The following HTRA1 variants were observed in gnomAD, a reference collection of about 807,000 sequenced individuals.
The protein encoded by HTRA1 is serine protease HTRA1.
HTRA1 carries 26 observed loss-of-function variants against 49.7 expected under a neutral mutation model. The observed-to-expected ratio is 0.52, with a 90% CI of 0.38 to 0.73. The LOEUF is 0.73. HTRA1 is among the 30% of genes least tolerant of loss of function. The pLI, the probability that HTRA1 is intolerant of heterozygous loss-of-function variation, is 0.00. For missense variants in HTRA1, 561 were observed against 667.2 expected (o/e 0.84, Z 1.75); for synonymous variants, 291 against 286.9 (o/e 1.01, Z -0.14).
At chr10:122,479,609 G>A (rs1422388978) in intron 1 of HTRA1, among the ~76,000 whole-genome samples, 3 of 152,078 alleles carry the variant, frequency 2.0e-5, no homozygotes, top group South Asian at 2.1e-4. Context: ...AGCTGGAGGC[G>A]AGGAGAATGA....
At chr10:122,508,181 C>T (rs1461931666) in intron 5 of HTRA1, among the ~76,000 whole-genome samples, 1 of 152,314 alleles carries the variant, frequency 6.6e-6, no homozygotes, top group African/African-American at 2.4e-5. Flanking sequence ...CCTCTGCCTC[C>T]CCGCGCAGCA....
chr10:122,510,234 G>C (rs1171245410), intron 7 of HTRA1, 81 bp downstream of exon 7: 6 of 1,141,416 alleles, frequency 5.3e-6, no homozygotes, highest in Non-Finnish European at 8.0e-6. Flanking sequence ...ACCCCTGAAA[G>C]AGAAACCTTA....
chr10:122,514,776 C>T lies in HTRA1; in HGVS notation c.*417C>T. The T allele has an allele frequency of 3.8e-6, 1 of 262,804 alleles. No individual in the cohort carries two copies. Among genetic ancestry groups the T allele is most frequent in the Non-Finnish European group, 7.5e-6 (1 of 134,198 alleles). 16.3% of individuals were successfully genotyped at this position (262,804 alleles called of 1,614,324 possible). A position where few individuals can be genotyped will look rare whatever the true frequency, so the allele number is the denominator to read the frequency against. On this transcript the variant is annotated 3_prime_UTR_variant, in exon 9 of 9. Transcript: ENST00000368984. ...TTTCTCCAAGTCAGCACCCAAAGGTCAATGCACAGAGACCCCGGGTGGGTG... is the reference window on the plus strand; with the variant it reads ...TTTCTCCAAGTCAGCACCCAAAGGTTAATGCACAGAGACCCCGGGTGGGTG...
In HTRA1 at chr10:122,466,112, A is replaced by G. The variant is rs1432527316; in HGVS notation, c.472+3988A>G. ...GAGGCTGTATGTACATACCTGGTGA[A>G]GAACCAAGGGCTTAGATGGTTGCTT... On this transcript the variant is annotated intron_variant, in intron 1 of 8. Coordinates refer to ENST00000368984, the MANE Select transcript of HTRA1 (RefSeq NM_002775.5). Among the ~76,000 whole-genome samples, 3 of 152,188 alleles carry G rather than the reference A, an allele frequency of 2.0e-5. No individual in the cohort carries two copies. The East Asian group carries it at 5.8e-4, about 29-fold the overall frequency.
chr10:122,462,158 C>T (rs1329992410), intron 1 of HTRA1, 34 bp downstream of exon 1: 10 of 1,484,066 alleles, frequency 6.7e-6, no homozygotes, highest in African/African-American at 1.4e-5. Context: ...GCTCCCCACT[C>T]TCTCCATCCC....
At chr10:122,486,491 C>G (rs541403305) in intron 1 of HTRA1, among the ~76,000 whole-genome samples, 1 of 152,098 alleles carries the variant, frequency 6.6e-6, no homozygotes, top group Non-Finnish European at 1.5e-5. Context: ...AGAAAACGGC[C>G]CTTTGTTCAC....
intron 3 of HTRA1, among the ~76,000 whole-genome samples, chr10:122,503,544 C>T (rs1417128804): frequency 1.3e-5 from 2 of 152,202 alleles, no homozygotes; most frequent in Non-Finnish European, 2.9e-5. Flanking sequence ...GCAAAGATTT[C>T]TGCCTGTGAT....
chr10:122,512,407 C>T (rs1374325302), intron 8 of HTRA1, among the ~76,000 whole-genome samples: 1 of 152,170 alleles, frequency 6.6e-6, no homozygotes, highest in Non-Finnish European at 1.5e-5. Context: ...ACTTGGTGGT[C>T]CTTTTCTAGG....
chr10:122,511,570 A>G (rs892602539), intron 7 of HTRA1, among the ~76,000 whole-genome samples: 2 of 151,898 alleles, frequency 1.3e-5, no homozygotes, highest in Admixed American at 6.6e-5. Flanking sequence ...TGTTTCTACT[A>G]AAAATATAAA....
chr10:122,489,397 A>C, intron 2 of HTRA1, 25 bp from the exon 3 acceptor site: 1 of 1,605,552 alleles, frequency 6.2e-7, no homozygotes, highest in Admixed American at 1.7e-5. Context: ...CTACAGGCTT[A>C]AGTGTGTACT....
At chr10:122,496,225 G>GTTTTGTTTTTTTTTT (rs1287521208) in intron 3 of HTRA1, among the ~76,000 whole-genome samples, 8 of 80,408 alleles carry the variant, frequency 9.9e-5, no homozygotes, top group African/African-American at 4.1e-4. Flanking sequence ...GAGATTGTGG[G>GTTTTGTTTTTTTTTT]TTCTTTTTTT....
At chr10:122,463,193 GTTTAC>G (rs763704783) in intron 1 of HTRA1, among the ~76,000 whole-genome samples, 7 of 152,254 alleles carry the variant, frequency 4.6e-5, no homozygotes, top group East Asian at 3.8e-4. Context: ...CTGGTCTAGA[GTTTAC>G]TTTATAGGAA....
intron 1 of HTRA1, among the ~76,000 whole-genome samples, chr10:122,480,371 G>A (rs1020976490): frequency 1.5e-4 from 23 of 152,220 alleles, no homozygotes; most frequent in Admixed American, 4.6e-4. Flanking sequence ...GCAGGGAGAA[G>A]GGACAAGGGA....
intron 1 of HTRA1, among the ~76,000 whole-genome samples, chr10:122,482,383 T>C (rs930752627): frequency 3.3e-5 from 5 of 152,154 alleles, no homozygotes; most frequent in African/African-American, 2.4e-5. Context: ...ATTTCAAAAC[T>C]ATGATCAATC....
intron 6 of HTRA1, 46 bp from the exon 7 acceptor site, chr10:122,510,050 C>T (rs1230223037): frequency 6.4e-7 from 1 of 1,562,480 alleles, no homozygotes; most frequent in Non-Finnish European, 8.8e-7. Context: ...CCCAGCACCC[C>T]CACCAACTGG....
At chr10:122,501,136 G>A (rs2097500690) in intron 3 of HTRA1, among the ~76,000 whole-genome samples, 2 of 152,162 alleles carry the variant, frequency 1.3e-5, no homozygotes, top group South Asian at 2.1e-4. Flanking sequence ...TCAGCAGAAC[G>A]GCTATGAAGC....
intron 1 of HTRA1, among the ~76,000 whole-genome samples, chr10:122,480,215 CGAAA>C (rs1348103749): frequency 1.3e-5 from 2 of 152,124 alleles, no homozygotes; most frequent in African/African-American, 4.8e-5. Context: ...AACTTAGAGC[CGAAA>C]GGTGTGACCT....
chr10:122,499,444 C>G (rs975924862), intron 3 of HTRA1, among the ~76,000 whole-genome samples: 4 of 152,300 alleles, frequency 2.6e-5, no homozygotes, highest in South Asian at 2.1e-4. Context: ...GAACAAGGAG[C>G]CTGCATTTTT....
intron 1 of HTRA1, among the ~76,000 whole-genome samples, chr10:122,485,369 CT>C (rs2097492641): frequency 6.6e-6 from 1 of 152,228 alleles, no homozygotes; most frequent in Admixed American, 6.5e-5. Context: ...ACTGCTCCTT[CT>C]TTCTGTTTCC....
Sources: gnomAD v4.1 joint callset for allele counts (sites outside exome capture counted in the v4.1 genomes callset) on GRCh38, gnomAD v4.1.1 for gene constraint, MANE v1.5 for transcripts, NCBI Gene and HGNC (gene_info 2026-07-23, HGNC 2026-07-21) for gene names.